Variants in SLC35A5 observed in about 807,000 individuals in gnomAD.
SLC35A5 encodes solute carrier family 35 member A5.
SLC35A5 carries 28 observed loss-of-function variants against 36.3 expected under a neutral mutation model. The ratio of observed to expected loss-of-function variants is 0.77; its 90% confidence interval spans 0.57 to 1.06. SLC35A5 has a LOEUF of 1.06. Among genes scored for constraint, SLC35A5 ranks in the 50% least tolerant of loss-of-function variants. The probability of loss-of-function intolerance (pLI) is 0.00; values close to 1 mark genes in which losing one functional copy is unlikely to be tolerated. For synonymous variants in SLC35A5, 180 were observed against 173.7 expected (o/e 1.04, Z -0.29); for missense variants, 521 against 499.3 (o/e 1.04, Z -0.41).
chr3:112,565,965 G>C (rs887852637), intron 2 of SLC35A5, among the ~76,000 whole-genome samples: 1 of 152,088 alleles, frequency 6.6e-6, no homozygotes, highest in Non-Finnish European at 1.5e-5. Flanking sequence ...ATGAGGGACT[G>C]TTATGGTAGC....
chr3:112,582,736 A>G lies in SLC35A5; in HGVS notation c.1275A>G (p.Ter425=). 1 of 1,610,316 alleles carries G rather than the reference A, an allele frequency of 6.2e-7. No homozygotes were observed. The highest frequency in any genetic ancestry group is 8.5e-7 in the Non-Finnish European group (1 of 1,177,070). Residue 425 remains the stop codon, a stop_retained_variant, in exon 7 of 7, where the codon TAA becomes TAG. Coordinates refer to ENST00000492406, the MANE Select transcript of SLC35A5 (RefSeq NM_017945.5). ...ATGAGTCAGATGAAGATACTTTCTA[A>G]CTGGTACCCACATAGTTTGCAGCTC... ...KSDESDEDTF[*]
chr3:112,566,032 G>A (rs1462826191), intron 2 of SLC35A5, among the ~76,000 whole-genome samples: 4 of 152,232 alleles, frequency 2.6e-5, no homozygotes, highest in Non-Finnish European at 5.9e-5. Flanking sequence ...TTATTGCAAA[G>A]TAAAGCCATA....
At chr3:112,579,206 A>G (rs1456369866) in intron 5 of SLC35A5, among the ~76,000 whole-genome samples, 2 of 152,186 alleles carry the variant, frequency 1.3e-5, no homozygotes, top group Non-Finnish European at 2.9e-5. Context: ...AGGAAGACAT[A>G]CAAAACCATG....
intron 2 of SLC35A5, among the ~76,000 whole-genome samples, chr3:112,563,905 A>G (rs1365668132): frequency 2.0e-5 from 3 of 152,248 alleles, no homozygotes; most frequent in African/African-American, 2.4e-5. Context: ...TTACTATTGT[A>G]ATTATTGTAT....
chr3:112,566,331 C>T (rs1392415900), intron 2 of SLC35A5, among the ~76,000 whole-genome samples: 1 of 152,068 alleles, frequency 6.6e-6, no homozygotes, highest in Non-Finnish European at 1.5e-5. Flanking sequence ...ATGTCATGCA[C>T]ATGAGGGAAA....
Position 112,563,545 on chromosome 3 carries a change from C to G in SLC35A5, c.130+12C>G. 1 of 1,592,248 alleles carries G rather than the reference C, an allele frequency of 6.3e-7. No homozygotes were observed. Among genetic ancestry groups the G allele is most frequent in the Non-Finnish European group, 8.6e-7 (1 of 1,163,814 alleles). ...TTCTGCCAATGAAGGTAAGTTAAGACTTGGTATATGCATGGAGCACTTCCA... is the reference window on the plus strand; with the variant it reads ...TTCTGCCAATGAAGGTAAGTTAAGAGTTGGTATATGCATGGAGCACTTCCA... On this transcript the variant is annotated intron_variant, in intron 2 of 6. Coordinates refer to ENST00000492406, the MANE Select transcript of SLC35A5 (RefSeq NM_017945.5).
At chr3:112,561,913 TC>T (rs1933910677), upstream of SLC35A5, 1 of 236,720 alleles carries the variant, frequency 4.2e-6, no homozygotes, top group African/African-American at 2.4e-5. Flanking sequence ...TTCCCTTCCT[TC>T]TCACTCTCTT....
chr3:112,561,529 C>G, upstream of SLC35A5: 1 of 1,609,294 alleles, frequency 6.2e-7, no homozygotes, highest in South Asian at 1.1e-5. Flanking sequence ...CATTCTGCAT[C>G]CTGGGGCCGG....
At chr3:112,561,435 CG>C, upstream of SLC35A5, 1 of 1,612,356 alleles carries the variant, frequency 6.2e-7, no homozygotes, top group Non-Finnish European at 8.5e-7. Context: ...TGACAGCTCC[CG>C]GCAACCCTGG....
rs752503726 is a variant in SLC35A5, at chr3:112,575,852, C to T, written c.428+1896C>T. Among the ~76,000 whole-genome samples the T allele has an allele frequency of 5.3e-5, 8 of 150,466 alleles. No homozygotes were observed. The East Asian group carries it at 1.2e-3, about 22-fold the overall frequency. On this transcript the variant is annotated intron_variant, in intron 5 of 6. Coordinates refer to ENST00000492406, the MANE Select transcript of SLC35A5 (RefSeq NM_017945.5). ...TTGGCTCATTGCAACCTCCTCTTCC[C>T]GTCTTCAAGCAATTCTTGTTCCTCA...
At chr3:112,576,415 G>A (rs554120698) in intron 5 of SLC35A5, among the ~76,000 whole-genome samples, 1 of 147,988 alleles carries the variant, frequency 6.8e-6, no homozygotes, top group African/African-American at 2.5e-5. Context: ...GTGAGCCACC[G>A]CGTCCAGCCC....
chr3:112,570,471 G>A (rs1376209919), intron 3 of SLC35A5, 69 bp from the exon 4 acceptor site: 1 of 1,498,330 alleles, frequency 6.7e-7, no homozygotes, highest in Non-Finnish European at 9.0e-7. Flanking sequence ...CAGTAATCAA[G>A]TGCAGTGTAA....
At chr3:112,568,579 G>A (rs1934301047) in intron 2 of SLC35A5, among the ~76,000 whole-genome samples, 1 of 152,168 alleles carries the variant, frequency 6.6e-6, no homozygotes, top group African/African-American at 2.4e-5. Context: ...GGCCCTAAAG[G>A]TAGCAGAGCC....
intron 5 of SLC35A5, among the ~76,000 whole-genome samples, chr3:112,577,496 C>G (rs983703438): frequency 2.0e-5 from 3 of 152,234 alleles, no homozygotes; most frequent in Non-Finnish European, 4.4e-5. Context: ...TTGTAGCTTG[C>G]TTCCCTGGTT....
Position 112,581,010 on chromosome 3 carries a change from T to C in SLC35A5, c.893T>C (p.Phe298Ser). Residue 298 changes from phenylalanine to serine, a missense_variant, in exon 6 of 7, where the codon TTT becomes TCT. Physicochemically the swap from Phe to Ser is radical, Grantham distance 155 (BLOSUM62 -2). Coordinates refer to ENST00000492406, the MANE Select transcript of SLC35A5 (RefSeq NM_017945.5). Reference sequence around the variant, plus strand: ...CGTGATCAGATTAAGAACTGTGGATTTTTTTATGGCCACAGTGCATTTTCA... The same window carrying C: ...CGTGATCAGATTAAGAACTGTGGATCTTTTTATGGCCACAGTGCATTTTCA... ...SNRDQIKNCG[F>S]FYGHSAFSVA... The C allele has an allele frequency of 6.2e-7, 1 of 1,614,128 alleles. No homozygotes were observed. The highest frequency in any genetic ancestry group is 8.5e-7 in the Non-Finnish European group (1 of 1,179,972).
Position 112,563,532 on chromosome 3 carries a change from A to G in SLC35A5, c.129A>G (p.Glu43=), listed in dbSNP as rs763642192. ...RILLVKYSAN[E]ENKYDYLPTT... is the part of the protein sequence containing the mutation. ...TACTAGTGAAGTATTCTGCCAATGA[A>G]GGTAAGTTAAGACTTGGTATATGCA... The change falls in exon 2 of 7, where the codon GAA becomes GAG. Residue 43 remains glutamate (E), a splice_region_variant and synonymous_variant. Coordinates refer to ENST00000492406, the MANE Select transcript of SLC35A5 (RefSeq NM_017945.5). The G allele has an allele frequency of 6.3e-7, 1 of 1,598,028 alleles. No homozygotes were observed. Among genetic ancestry groups the G allele is most frequent in the Non-Finnish European group, 8.6e-7 (1 of 1,168,126 alleles).
At chr3:112,566,709 G>A (rs1295889735) in intron 2 of SLC35A5, among the ~76,000 whole-genome samples, 1 of 152,238 alleles carries the variant, frequency 6.6e-6, no homozygotes, top group Non-Finnish European at 1.5e-5. Flanking sequence ...GAATATGTTT[G>A]ATAATCTCAG....
chr3:112,572,011 C>T (rs796292143), intron 4 of SLC35A5, among the ~76,000 whole-genome samples: 31 of 142,816 alleles, frequency 2.2e-4, no homozygotes, highest in African/African-American at 4.2e-4. Context: ...GGCGCAATCT[C>T]GGCTCACTGC....
chr3:112,562,666 T>C (rs1933977659), intron 1 of SLC35A5, among the ~76,000 whole-genome samples: 1 of 152,240 alleles, frequency 6.6e-6, no homozygotes, highest in South Asian at 2.1e-4. Context: ...TTTTGGTCGT[T>C]ATTGTAATGA....
Sources: gnomAD v4.1 joint callset for allele counts (sites outside exome capture counted in the v4.1 genomes callset) on GRCh38, gnomAD v4.1.1 for gene constraint, MANE v1.5 for transcripts, NCBI Gene and HGNC (gene_info 2026-07-23, HGNC 2026-07-21) for gene names.